The following NIPAL3 variants were observed in gnomAD, a reference collection of about 807,000 sequenced individuals.
NIPAL3 encodes NIPA like domain containing 3.
Under a neutral mutation model 47.2 loss-of-function variants are expected in NIPAL3, and 41 were observed. The observed-to-expected ratio is 0.87, with a 90% CI of 0.68 to 1.13. The LOEUF (loss-of-function observed/expected upper bound fraction) is 1.13, where lower values mean the gene tolerates loss of function less well. NIPAL3 is among the 50% of genes most tolerant of loss of function. The pLI is 0.00. For missense variants in NIPAL3, 449 were observed against 530.1 expected (o/e 0.85, Z 1.50); for synonymous variants, 194 against 209.6 (o/e 0.93, Z 0.64).
At position 24,454,100 on chromosome 1, in the gene NIPAL3, C is replaced by T. The variant is rs1034173252; in HGVS notation, c.637+596C>T. ...GGAGTGCAGTGGTACAATCTTAGCT[C>T]TCTGCAGCCTTGACCTCCTGGCCTC... is the stretch of plus-strand genomic sequence containing the variant. On this transcript the variant is annotated intron_variant, in intron 7 of 11. Coordinates refer to ENST00000374399, the MANE Select transcript of NIPAL3 (RefSeq NM_020448.5). The surrounding 1 kb of genome is among the most constrained non-coding windows in gnomAD (Gnocchi z 4.1). 3 of 953,766 alleles carry T rather than the reference C, an allele frequency of 3.1e-6. No individual in the cohort carries two copies. Among genetic ancestry groups the T allele is most frequent in the Non-Finnish European group, 4.3e-6 (3 of 691,458 alleles). The allele number at this position is 953,766 out of a possible 1,614,324, so 59.1% of individuals were successfully genotyped here. A position where few individuals can be genotyped will look rare whatever the true frequency, so the allele number is the denominator to read the frequency against.
chr1:24,421,072 C>T (rs1190491731), intron 2 of NIPAL3, among the ~76,000 whole-genome samples: 1 of 152,100 alleles, frequency 6.6e-6, no homozygotes, highest in Non-Finnish European at 1.5e-5. Context: ...AACTTCAACA[C>T]TTTGGGAAGC....
At chr1:24,440,140 A>G (rs1645306277) in intron 2 of NIPAL3, 32 bp from the exon 3 acceptor site, 1 of 1,517,748 alleles carries the variant, frequency 6.6e-7, no homozygotes. Flanking sequence ...TTGTGCCCAA[A>G]TCATGTCCAC....
At chr1:24,434,465 A>G (rs1420872764) in intron 2 of NIPAL3, among the ~76,000 whole-genome samples, 1 of 152,204 alleles carries the variant, frequency 6.6e-6, no homozygotes, top group Non-Finnish European at 1.5e-5. Context: ...GAATCAAAGG[A>G]AGAAATACAC....
chr1:24,457,865 C>G (rs1216343480), intron 8 of NIPAL3: 1 of 526,072 alleles, frequency 1.9e-6, no homozygotes, highest in Non-Finnish European at 3.9e-6. Context: ...GATTATTGGC[C>G]TTGCTATTGT....
At chr1:24,417,807 G>A (rs1644129685) in intron 1 of NIPAL3, among the ~76,000 whole-genome samples, 1 of 152,172 alleles carries the variant, frequency 6.6e-6, no homozygotes, top group African/African-American at 2.4e-5. Flanking sequence ...GAATTCCTGG[G>A]CCTAGGGCCG....
intron 2 of NIPAL3, among the ~76,000 whole-genome samples, chr1:24,431,528 AT>A (rs1290427905): frequency 6.6e-6 from 1 of 152,148 alleles, no homozygotes; most frequent in African/African-American, 2.4e-5. Flanking sequence ...TCTTTTTAAA[AT>A]TTATTTTATG....
rs759916543 is a variant in NIPAL3 at position 24,449,563 on chromosome 1, C to T, written c.477C>T (p.His159=). The T allele has an allele frequency of 1.1e-5, 18 of 1,613,980 alleles. No homozygotes were observed. The highest frequency in any genetic ancestry group is 4.4e-5 in the South Asian group (4 of 91,070). ...TGGTGACATTCGCACCCAACAGTCA[C>T]GAGAAGATGACAGGCGAGAATGTCA... The part of the protein sequence containing the change: ...YLLVTFAPNS[H]EKMTGENVTR... The change falls in exon 6 of 12, where the codon CAC becomes CAT. Residue 159 remains histidine (H), a synonymous_variant. Coordinates refer to ENST00000374399, the MANE Select transcript of NIPAL3 (RefSeq NM_020448.5). The surrounding 1 kb of genome is among the most constrained non-coding windows in gnomAD (Gnocchi z 4.5).
In NIPAL3 at chr1:24,469,942, A is replaced by G. The variant is rs1235360723; in HGVS notation, c.*757A>G. 6.6e-6 allele frequency: 1 copy of G among 152,208 alleles called. No homozygotes were observed. Among genetic ancestry groups the G allele is most frequent in the African/African-American group, 2.4e-5 (1 of 41,432 alleles). The allele number at this position is 152,208 out of a possible 1,614,324, so 9.4% of individuals were successfully genotyped here. A position where few individuals can be genotyped will look rare whatever the true frequency, so the allele number is the denominator to read the frequency against. On this transcript the variant is annotated 3_prime_UTR_variant, in exon 12 of 12. Coordinates refer to ENST00000374399, the MANE Select transcript of NIPAL3 (RefSeq NM_020448.5). ...TGATGATGCTTTAGCCCATTAAGGA[A>G]GAAAAGTTCCCCTTACTCTTACAAA...
At chr1:24,465,961 G>A (rs1397945384) in intron 11 of NIPAL3, 1 of 1,576,452 alleles carries the variant, frequency 6.3e-7, no homozygotes, top group Non-Finnish European at 8.6e-7. Flanking sequence ...CAGCCACTTG[G>A]TTTCCCTGGT....
At position 24,415,915 on chromosome 1, in the gene NIPAL3, A is replaced by G; in HGVS notation, c.-258+11A>G. 1.0e-6 allele frequency: 1 copy of G among 984,392 alleles called. No individual in the cohort carries two copies. Among genetic ancestry groups the G allele is most frequent in the Non-Finnish European group, 1.2e-6 (1 of 828,968 alleles). 61.0% of individuals were successfully genotyped at this position (984,392 alleles called of 1,614,324 possible). A position where few individuals can be genotyped will look rare whatever the true frequency, so the allele number is the denominator to read the frequency against. On this transcript the variant is annotated intron_variant, in intron 1 of 11. Transcript: ENST00000374399. Reference sequence around the variant, plus strand: ...GAGGAGACGCCGCCGGTGAGTAGTGATTAACACCGGGAGGAAGGGGAATTG... The same window carrying G: ...GAGGAGACGCCGCCGGTGAGTAGTGGTTAACACCGGGAGGAAGGGGAATTG...
At chr1:24,431,206 T>G (rs182958590) in intron 2 of NIPAL3, among the ~76,000 whole-genome samples, 1 of 152,286 alleles carries the variant, frequency 6.6e-6, no homozygotes, top group African/African-American at 2.4e-5. Flanking sequence ...GCATCTTGAT[T>G]ATCACTAAAA....
At chr1:24,444,951 C>T (rs9424322) in intron 4 of NIPAL3, among the ~76,000 whole-genome samples, 1,595 of 152,316 alleles carry the variant, frequency 0.01, 27 homozygotes, top group African/African-American at 0.035. Context: ...GCCTGTCACA[C>T]AGCAGGTACT....
rs767353728 is a variant in NIPAL3, at chr1:24,442,211, G to T, written c.319G>T (p.Ala107Ser). The change falls in exon 4 of 12, where the codon GCA becomes TCA. Residue 107 changes from alanine (A) to serine (S), a missense_variant. Ala to Ser is a moderately conservative substitution (Grantham distance 99). Coordinates refer to ENST00000374399, the MANE Select transcript of NIPAL3 (RefSeq NM_020448.5). ...GCTGTCACTCATCGTGCCCCTCAGC[G>T]CAGTTTCTGTGATAGGTAAGACCAG... ...APLSLIVPLS[A>S]VSVIASAIIG... 6.2e-6 allele frequency: 10 copies of T among 1,613,794 alleles called. No individual in the cohort carries two copies. Among genetic ancestry groups the T allele is most frequent in the Non-Finnish European group, 6.8e-6 (8 of 1,179,996 alleles).
intron 7 of NIPAL3, 116 bp from the exon 8 acceptor site, chr1:24,456,022 T>C: frequency 3.1e-6 from 4 of 1,273,654 alleles, no homozygotes; most frequent in Non-Finnish European, 4.5e-6. Context: ...CTTGACTCTG[T>C]TCCTGTTCCC....
Position 24,453,508 on chromosome 1 carries a change from A to G in NIPAL3, c.637+4A>G. On this transcript the variant is annotated splice_donor_region_variant and intron_variant, in intron 7 of 11. Coordinates refer to ENST00000374399, the MANE Select transcript of NIPAL3 (RefSeq NM_020448.5). ...CTTCTCTTGGTGGCGTTACTTGGTA[A>G]GTTGGCATCTGGATGATTGAGTTTT... 6.2e-7 allele frequency: 1 copy of G among 1,610,974 alleles called. No individual in the cohort carries two copies. The highest frequency in any genetic ancestry group is 1.7e-5 in the Admixed American group (1 of 59,878).
intron 2 of NIPAL3, among the ~76,000 whole-genome samples, chr1:24,422,841 G>T (rs1056649038): frequency 6.6e-6 from 1 of 152,176 alleles, no homozygotes; most frequent in Non-Finnish European, 1.5e-5. Context: ...AATGGAACAG[G>T]GTTTCAAATC....
rs767142086 is a variant in NIPAL3 at position 24,419,593 on chromosome 1, C to G, written c.46C>G (p.Pro16Ala). 6.8e-6 allele frequency: 11 copies of G among 1,614,094 alleles called. No individual in the cohort carries two copies. The highest frequency in any genetic ancestry group is 9.3e-6 in the Non-Finnish European group (11 of 1,179,984). ...AGCCCTGAAGCTGCAGCAGCTGCCT[C>G]CCACAAGTAGCTCCAGCGCCGTAAG... ...SAALKLQQLP[P>A]TSSSSAVSEA... is the part of the protein sequence containing the mutation. The change falls in exon 2 of 12, where the codon CCC becomes GCC. Residue 16 changes from proline to alanine, a missense_variant. Physicochemically the swap from Pro to Ala is conservative, Grantham distance 27. Coordinates refer to ENST00000374399, the MANE Select transcript of NIPAL3 (RefSeq NM_020448.5).
chr1:24,439,625 A>C (rs1645283449), intron 2 of NIPAL3, among the ~76,000 whole-genome samples: 1 of 146,460 alleles, frequency 6.8e-6, no homozygotes. Flanking sequence ...TCTACAATGA[A>C]TATATGTTTG....
At chr1:24,463,085 G>C (rs563143234) in intron 10 of NIPAL3, among the ~76,000 whole-genome samples, 34 of 152,250 alleles carry the variant, frequency 2.2e-4, no homozygotes, top group Admixed American at 1.4e-3. Flanking sequence ...GGTACTGGGG[G>C]GCTGAGGCAG....
Sources: gnomAD v4.1 joint callset for allele counts (sites outside exome capture counted in the v4.1 genomes callset) on GRCh38, gnomAD v4.1.1 for gene constraint, Gnocchi (gnomAD v3.1) non-coding constraint, MANE v1.5 for transcripts, NCBI Gene and HGNC (gene_info 2026-07-23, HGNC 2026-07-21) for gene names.